ZNF577: variants seen among roughly 807,000 people sequenced by gnomAD.
ZNF577 encodes zinc finger protein 577.
ZNF577 carries 14 observed loss-of-function variants against 13.9 expected under a neutral mutation model. The ratio of observed to expected loss-of-function variants is 1.00; its 90% CI spans 0.66 to 1.57. The LOEUF (loss-of-function observed/expected upper bound fraction) is 1.57, where lower values mean the gene tolerates loss of function less well. Ranked by LOEUF, ZNF577 falls within the 40% of genes most tolerant of loss-of-function variation. ZNF577 has a pLI of 0.00. For synonymous variants in ZNF577, 203 were observed against 202.9 expected (o/e 1.00, Z 0.00); for missense variants, 555 against 579.2 (o/e 0.96, Z 0.43).
At position 51,824,148 on chromosome 19, in the gene ZNF577, C is replaced by T; in HGVS notation, c.*600-12474G>A. On this transcript the variant is annotated intron_variant and NMD_transcript_variant, in intron 9 of 10. Coordinates refer to the ZNF577 transcript ENST00000638827. This position sits in a 1 kb window ranked among gnomAD's most constrained non-coding sequence, Gnocchi z 4.7. Reference sequence around the variant, plus strand: ...TTGTGTCCTGCATCCAGCCTGGGCCCAGAACCATCGCACCATGAGTCTGGC... The same window carrying T: ...TTGTGTCCTGCATCCAGCCTGGGCCTAGAACCATCGCACCATGAGTCTGGC... The T allele has an allele frequency of 1.9e-6, 3 of 1,614,008 alleles. No individual in the cohort carries two copies. The South Asian group carries it at 3.3e-5, about 18-fold the overall frequency.
chr19:51,878,372 G>A lies in ZNF577; in HGVS notation c.187+17C>T, dbSNP rs528377280. 1.1e-5 allele frequency: 17 copies of A among 1,611,412 alleles called. No homozygotes were observed. Among genetic ancestry groups the A allele is most frequent in the African/African-American group, 5.3e-5 (4 of 74,944 alleles). Reference sequence around the variant, plus strand: ...AAATAAGAAAGAAAAGGTAAGTGACGGCAATGCTGTCCTTACCTATTGATA... The same window carrying A: ...AAATAAGAAAGAAAAGGTAAGTGACAGCAATGCTGTCCTTACCTATTGATA... On this transcript the variant is annotated intron_variant, in intron 4 of 5. Transcript: ENST00000638348.
At chr19:51,873,842 C>A (rs551822164) in intron 5 of ZNF577, 136 bp from the exon 6 acceptor site, 14 of 784,412 alleles carry the variant, frequency 1.8e-5, no homozygotes, top group Non-Finnish European at 2.5e-5. Context: ...TGTTTAAGCT[C>A]ATTTTGGTTT....
At chr19:51,836,631 C>T (rs1437455274) in intron 9 of ZNF577, among the ~76,000 whole-genome samples, 1 of 152,096 alleles carries the variant, frequency 6.6e-6, no homozygotes, top group African/African-American at 2.4e-5. Context: ...AAAAGTCAAA[C>T]CTGGAAGTAA....
intron 9 of ZNF577, among the ~76,000 whole-genome samples, chr19:51,836,405 G>A (rs1417704084): frequency 1.3e-5 from 2 of 152,280 alleles, no homozygotes; most frequent in East Asian, 1.9e-4. Context: ...TAGATATTCT[G>A]ACGGGGGTAA....
chr19:51,874,797 A>G (rs2084729489), intron 5 of ZNF577, among the ~76,000 whole-genome samples: 1 of 152,190 alleles, frequency 6.6e-6, no homozygotes. Context: ...CTTGATCAGG[A>G]ATAATTACAA....
chr19:51,884,145 CTCACACCCGTAA>C (rs541817377), intron 1 of ZNF577, among the ~76,000 whole-genome samples: 258 of 152,214 alleles, frequency 1.7e-3, no homozygotes, highest in African/African-American at 6.1e-3. Flanking sequence ...GGTGAAGTGG[CTCACACCCGTAA>C]TCCTAGCACT....
chr19:51,832,387 ACT>A, intron 9 of ZNF577, among the ~76,000 whole-genome samples: 1 of 151,916 alleles, frequency 6.6e-6, no homozygotes, highest in Non-Finnish European at 1.5e-5. Flanking sequence ...ACAAGGTCTT[ACT>A]CTGTTTCCCA....
chr19:51,829,283 T>C (rs1289495744), intron 9 of ZNF577, among the ~76,000 whole-genome samples: 1 of 152,174 alleles, frequency 6.6e-6, no homozygotes, highest in Non-Finnish European at 1.5e-5. Flanking sequence ...AAGCTGGCAC[T>C]GTGGGCATTT....
At chr19:51,815,584 G>A (rs1056089246) in intron 9 of ZNF577, among the ~76,000 whole-genome samples, 1 of 147,938 alleles carries the variant, frequency 6.8e-6, no homozygotes, top group East Asian at 2.0e-4. Flanking sequence ...AAAAAAGGTA[G>A]ACACCAGGCA....
chr19:51,865,394 C>T (rs201635317), downstream of ZNF577, among the ~76,000 whole-genome samples: 4 of 85,840 alleles, frequency 4.7e-5, no homozygotes, highest in African/African-American at 1.1e-4. Flanking sequence ...ACCATGCCCG[C>T]GCCTTCCCAA....
At chr19:51,867,009 GAA>G (rs2084573376), downstream of ZNF577, among the ~76,000 whole-genome samples, 1 of 151,430 alleles carries the variant, frequency 6.6e-6, no homozygotes, top group Admixed American at 6.6e-5. Context: ...AAGAAGGAAA[GAA>G]AGAAGAAAGA....
intron 5 of ZNF577, among the ~76,000 whole-genome samples, chr19:51,853,070 G>A (rs2084387551): frequency 6.6e-6 from 1 of 152,068 alleles, no homozygotes; most frequent in Admixed American, 6.5e-5. Flanking sequence ...CAGAGTAGCA[G>A]GGATGACAGG....
At chr19:51,840,195 T>C (rs968710822) in intron 8 of ZNF577, 1 of 152,256 alleles carries the variant, frequency 6.6e-6, no homozygotes, top group African/African-American at 2.4e-5. Context: ...AGCAGCGTTG[T>C]GCATTCTCAG....
At chr19:51,808,365 T>C (rs1183936219) in intron 10 of ZNF577, among the ~76,000 whole-genome samples, 2 of 152,220 alleles carry the variant, frequency 1.3e-5, no homozygotes, top group East Asian at 3.8e-4. Flanking sequence ...TAGAGCTATT[T>C]TGAGATTCCA....
intron 5 of ZNF577, among the ~76,000 whole-genome samples, chr19:51,859,551 T>A (rs759096941): frequency 3.3e-5 from 5 of 152,162 alleles, no homozygotes; most frequent in African/African-American, 4.8e-5. Flanking sequence ...TGCTGGTTTT[T>A]AAATATTTTA....
rs552476748 is a variant in ZNF577 at position 51,870,076 on chromosome 19, T to C, written c.*2456A>G. On this transcript the variant is annotated 3_prime_UTR_variant, in exon 6 of 6. Coordinates refer to ENST00000638348, the MANE Select transcript of ZNF577 (RefSeq NM_001370449.1). ...AACATCCTAGGGGCATTGGGTCCAG[T>C]GCGTAGACTGAGCTTCATCTGCCCC... 6.6e-6 allele frequency among the ~76,000 whole-genome samples: 1 copy of C among 152,216 alleles called. No individual in the cohort carries two copies. Among genetic ancestry groups the C allele is most frequent in the South Asian group, 2.1e-4 (1 of 4,836 alleles).
intron 9 of ZNF577, chr19:51,823,887 G>A: frequency 6.2e-7 from 1 of 1,614,110 alleles, no homozygotes; most frequent in African/African-American, 1.3e-5. Context: ...CAATGGGCTT[G>A]TGATCTGGGT....
At chr19:51,862,761 CTGA>C (rs2084517068), downstream of ZNF577, 1 of 152,274 alleles carries the variant, frequency 6.6e-6, no homozygotes. Flanking sequence ...TGTGAATTCA[CTGA>C]TGAATCATGA....
chr19:51,846,067 G>A (rs991966109), intron 5 of ZNF577, among the ~76,000 whole-genome samples: 1 of 151,564 alleles, frequency 6.6e-6, no homozygotes, highest in Non-Finnish European at 1.5e-5. Flanking sequence ...AGGCTGGAGT[G>A]CAGTGGCACT....
Sources: gnomAD v4.1 joint callset for allele counts (sites outside exome capture counted in the v4.1 genomes callset) on GRCh38, gnomAD v4.1.1 for gene constraint, Gnocchi (gnomAD v3.1) non-coding constraint, MANE v1.5 for transcripts, NCBI Gene and HGNC (gene_info 2026-07-23, HGNC 2026-07-21) for gene names.